Variants in TTC3 observed in about 807,000 individuals in gnomAD.
The protein encoded by TTC3 is E3 ubiquitin-protein ligase TTC3.
A neutral mutation model predicts 249.6 loss-of-function variants in TTC3; 180 were observed. That is an observed-to-expected ratio of 0.72 (90% CI 0.64 to 0.82). The LOEUF (loss-of-function observed/expected upper bound fraction) is 0.82. TTC3 is among the 40% of genes least tolerant of loss of function. The pLI is 0.00. For missense variants in TTC3, 2,061 were observed against 2,398.4 expected, an observed-to-expected ratio of 0.86 and a Z score of 2.94; for synonymous variants, 717 against 805.0, an observed-to-expected ratio of 0.89 and a Z score of 1.85.
chr21:37,166,066 G>A, exon 33 of TTC3: 1 of 1,614,198 alleles, frequency 6.2e-7, no homozygotes, highest in Non-Finnish European at 8.5e-7. Flanking sequence ...CAGGCTCTGA[G>A]GATGCAAATT....
At chr21:37,192,258 T>C (rs1490709887) in intron 41 of TTC3, 45 bp downstream of exon 41, 20 of 1,309,526 alleles carry the variant, frequency 1.5e-5, no homozygotes, top group Admixed American at 4.7e-5. Context: ...CATAATTCAT[T>C]TGTTAACTGG....
At chr21:37,074,627 T>A (rs542432069) in intron 1 of TTC3, among the ~76,000 whole-genome samples, 2 of 151,890 alleles carry the variant, frequency 1.3e-5, no homozygotes, top group Admixed American at 6.6e-5. Flanking sequence ...GAGAGCCTTT[T>A]CCTTATAACT....
intron 34 of TTC3, among the ~76,000 whole-genome samples, chr21:37,170,882 G>A (rs1353767768): frequency 2.0e-5 from 3 of 152,180 alleles, no homozygotes; most frequent in African/African-American, 4.8e-5. Flanking sequence ...CTTCCAGGAT[G>A]TTTGAACATT....
intron 4 of TTC3, 84 bp from the exon 5 acceptor site, chr21:37,088,715 T>C (rs901732601): frequency 3.1e-5 from 39 of 1,253,642 alleles, no homozygotes; most frequent in Non-Finnish European, 4.0e-5. Flanking sequence ...TTTTTAATGG[T>C]TTGAGATATA....
chr21:37,099,052 A>G (rs2074223849), intron 10 of TTC3: 1 of 152,244 alleles, frequency 6.6e-6, no homozygotes, highest in Non-Finnish European at 1.5e-5. Context: ...AAGAATTGAG[A>G]TGTCCAAAGA....
At chr21:37,095,385 G>A (rs567157016) in exon 9 of TTC3, 1 of 1,608,232 alleles carries the variant, frequency 6.2e-7, no homozygotes, top group African/African-American at 1.3e-5. Flanking sequence ...GAAATGAAGA[G>A]TTTTCCAAAG....
intron 9 of TTC3, 72 bp downstream of exon 9, chr21:37,095,516 A>G (rs972425097): frequency 9.7e-7 from 1 of 1,029,942 alleles, no homozygotes; most frequent in Non-Finnish European, 1.4e-6. Flanking sequence ...CAGAAGAAAT[A>G]AAAACAAGAC....
chr21:37,109,230 A>T (rs2075370597), intron 11 of TTC3, among the ~76,000 whole-genome samples: 1 of 152,168 alleles, frequency 6.6e-6, no homozygotes, highest in South Asian at 2.1e-4. Context: ...CAGTGAGTGC[A>T]GCGCACCATG....
intron 11 of TTC3, among the ~76,000 whole-genome samples, chr21:37,116,788 C>G (rs979425139): frequency 3.3e-5 from 5 of 151,882 alleles, no homozygotes; most frequent in Non-Finnish European, 7.4e-5. Context: ...GCCTGGGTGA[C>G]AGAGTGAAAC....
At chr21:37,196,109 T>C in intron 42 of TTC3, 73 bp downstream of exon 42, 1 of 1,558,728 alleles carries the variant, frequency 6.4e-7, no homozygotes, top group Non-Finnish European at 8.7e-7. Flanking sequence ...GATAAAATCA[T>C]GGCTAGTTAG....
At chr21:37,164,023 T>G (rs758180580) in intron 31 of TTC3, 28 bp from the exon 32 acceptor site, 4 of 1,589,064 alleles carry the variant, frequency 2.5e-6, no homozygotes. Flanking sequence ...ATCCACAAAA[T>G]TGGGTGTTTT....
At chr21:37,141,261 ATC>A (rs1486444266) in intron 20 of TTC3, among the ~76,000 whole-genome samples, 7 of 152,154 alleles carry the variant, frequency 4.6e-5, no homozygotes, top group Non-Finnish European at 1.0e-4. Flanking sequence ...AAAAAAGAAA[ATC>A]TGTTTCTGCC....
intron 41 of TTC3, chr21:37,194,686 A>C (rs960555560): frequency 6.6e-6 from 1 of 152,218 alleles, no homozygotes; most frequent in Admixed American, 6.5e-5. Flanking sequence ...TGAAGAAGGA[A>C]AAAGAAATTC....
intron 1 of TTC3, among the ~76,000 whole-genome samples, chr21:37,079,082 GTTCA>G (rs913251347): frequency 3.9e-5 from 6 of 152,004 alleles, no homozygotes; most frequent in Non-Finnish European, 8.8e-5. Context: ...ATTTAAAACT[GTTCA>G]TTTTCTTTTA....
At chr21:37,096,968 C>G (rs1234805421) in intron 10 of TTC3, 1 of 192,796 alleles carries the variant, frequency 5.2e-6, no homozygotes, top group African/African-American at 2.3e-5. Context: ...AATAGTGATA[C>G]CAAGATTTGA....
intron 27 of TTC3, among the ~76,000 whole-genome samples, chr21:37,154,781 C>T (rs962238118): frequency 3.9e-5 from 6 of 152,150 alleles, no homozygotes; most frequent in African/African-American, 1.2e-4. Flanking sequence ...CTGCAAGCTC[C>T]GCCTCCCGGG....
chr21:37,195,565 AC>A, intron 41 of TTC3, 109 bp from the exon 42 acceptor site: 1 of 1,436,306 alleles, frequency 7.0e-7, no homozygotes, highest in Non-Finnish European at 9.4e-7. Flanking sequence ...TTTCCTGTGC[AC>A]GGAGCCTCTG....
intron 20 of TTC3, among the ~76,000 whole-genome samples, chr21:37,141,828 T>G (rs1221276423): frequency 6.6e-6 from 1 of 152,128 alleles, no homozygotes; most frequent in African/African-American, 2.4e-5. Flanking sequence ...ATATCCCTGA[T>G]GAACATCCAT....
intron 38 of TTC3, chr21:37,188,245 A>G (rs911272187): frequency 4.0e-5 from 14 of 345,766 alleles, no homozygotes; most frequent in Middle Eastern, 8.8e-4. Context: ...TTAAGCAGAA[A>G]GCCATGTACA....
Sources: gnomAD v4.1 joint callset for allele counts (sites outside exome capture counted in the v4.1 genomes callset) on GRCh38, gnomAD v4.1.1 for gene constraint, MANE v1.5 for transcripts, NCBI Gene and HGNC (gene_info 2026-07-23, HGNC 2026-07-21) for gene names.